The following NEBL variants were observed in gnomAD, a reference collection of about 807,000 sequenced individuals.
The protein encoded by NEBL is LIM and SH3 protein 2.
Under a neutral mutation model 140.2 loss-of-function variants are expected in NEBL, and 122 were observed. The observed-to-expected ratio is 0.87, with a 90% CI of 0.75 to 1.01. The LOEUF (loss-of-function observed/expected upper bound fraction) is 1.01, where lower values mean the gene tolerates loss of function less well. Among genes scored for constraint, NEBL ranks in the 50% least tolerant of loss-of-function variants. The pLI, the probability that NEBL is intolerant of heterozygous loss-of-function variation, is 0.00. For missense variants in NEBL, 1,365 were observed against 1,231.3 expected, an observed-to-expected ratio of 1.11 and a Z score of -1.62; for synonymous variants, 436 against 398.9, an observed-to-expected ratio of 1.09 and a Z score of -1.11.
At chr10:20,962,221 G>A (rs1188749344) in intron 3 of NEBL, among the ~76,000 whole-genome samples, 2 of 152,214 alleles carry the variant, frequency 1.3e-5, no homozygotes, top group African/African-American at 4.8e-5. Context: ...CTCCTCCTGT[G>A]CCCGCCTGTC....
chr10:21,019,708 T>C (rs1254123011), intron 3 of NEBL, among the ~76,000 whole-genome samples: 1 of 152,214 alleles, frequency 6.6e-6, no homozygotes, highest in Non-Finnish European at 1.5e-5. Context: ...AGCCCTTGGC[T>C]GGTGTGAGAT....
At chr10:20,907,829 A>G (rs1848161365) in intron 4 of NEBL, among the ~76,000 whole-genome samples, 1 of 152,204 alleles carries the variant, frequency 6.6e-6, no homozygotes, top group African/African-American at 2.4e-5. Flanking sequence ...CAGAGCCAGC[A>G]CAATTGGTAC....
chr10:20,819,116 G>A, intron 20 of NEBL: 1 of 962,466 alleles, frequency 1.0e-6, no homozygotes, highest in Non-Finnish European at 1.3e-6. Context: ...TTGTTACACA[G>A]GTGAACTTGT....
chr10:20,931,384 T>C (rs570886310), intron 4 of NEBL, among the ~76,000 whole-genome samples: 27 of 152,352 alleles, frequency 1.8e-4, no homozygotes, highest in Non-Finnish European at 2.6e-4. Context: ...TTTACCAGTA[T>C]ATAAATACGT....
intron 3 of NEBL, among the ~76,000 whole-genome samples, chr10:21,182,429 T>C (rs1204033303): frequency 6.6e-6 from 1 of 152,204 alleles, no homozygotes; most frequent in African/African-American, 2.4e-5. Context: ...TGAGGTATTA[T>C]CGTGCCACTG....
Position 21,098,228 on chromosome 10 carries a change from G to A in NEBL, c.164+74155C>T, listed in dbSNP as rs562401602. On this transcript the variant is annotated intron_variant, in intron 2 of 6. Transcript: ENST00000417816. Reference sequence around the variant, plus strand: ...TACACACACATTCTCACTCACACGTGCACACATACGTACACACACTTGTAC... The same window carrying A: ...TACACACACATTCTCACTCACACGTACACACATACGTACACACACTTGTAC... Among the ~76,000 whole-genome samples, 382 of 151,984 alleles carry A rather than the reference G, an allele frequency of 2.5e-3. 1 individual carries two copies. Among genetic ancestry groups the A allele is most frequent in the African/African-American group, 8.1e-3 (337 of 41,490 alleles).
chr10:20,856,359 C>T lies in NEBL; in HGVS notation c.903+1881G>A, dbSNP rs143926096. On this transcript the variant is annotated intron_variant, in intron 9 of 27. Transcript: ENST00000377122. ...AGCAATATTGCATAGGAGTGGCACGCTTTCTTCCAGCCACCAAATGTTGAA... is the reference window on the plus strand; with the variant it reads ...AGCAATATTGCATAGGAGTGGCACGTTTTCTTCCAGCCACCAAATGTTGAA... 4.7e-3 allele frequency among the ~76,000 whole-genome samples: 711 copies of T among 152,266 alleles called. 2 individuals are homozygous for T. The highest frequency in any genetic ancestry group is 0.016 in the African/African-American group (646 of 41,552).
intron 3 of NEBL, among the ~76,000 whole-genome samples, chr10:21,236,342 T>C (rs1179621927): frequency 6.8e-6 from 1 of 146,466 alleles, no homozygotes; most frequent in Non-Finnish European, 1.5e-5. Context: ...ATTCCTTTTT[T>C]TAATTTTTTT....
At chr10:21,140,535 C>T (rs1016226074) in intron 2 of NEBL, among the ~76,000 whole-genome samples, 2 of 151,984 alleles carry the variant, frequency 1.3e-5, no homozygotes, top group Non-Finnish European at 2.9e-5. Flanking sequence ...ATAGTCTGTC[C>T]AGCCTGAGTT....
chr10:21,276,901 G>A (rs577845716), intron 1 of NEBL, among the ~76,000 whole-genome samples: 23 of 152,178 alleles, frequency 1.5e-4, no homozygotes, highest in African/African-American at 2.6e-4. Context: ...CCTGAGAGGC[G>A]GAGGTTGCAG....
At chr10:21,009,622 C>G (rs1324103258) in intron 3 of NEBL, among the ~76,000 whole-genome samples, 1 of 152,170 alleles carries the variant, frequency 6.6e-6, no homozygotes, top group Non-Finnish European at 1.5e-5. Flanking sequence ...AAGCACAACC[C>G]ATATTTTGGA....
intron 3 of NEBL, among the ~76,000 whole-genome samples, chr10:20,989,000 C>T (rs914158242): frequency 1.3e-5 from 2 of 152,198 alleles, no homozygotes; most frequent in African/African-American, 4.8e-5. Flanking sequence ...TTGAAATTTA[C>T]ACAGTTCTTA....
At chr10:20,971,682 C>T (rs1199743624) in intron 3 of NEBL, among the ~76,000 whole-genome samples, 2 of 145,446 alleles carry the variant, frequency 1.4e-5, no homozygotes, top group Non-Finnish European at 3.0e-5. Context: ...GGCGCAATCT[C>T]GGCTCAATGC....
intron 3 of NEBL, among the ~76,000 whole-genome samples, chr10:21,188,876 T>C (rs1589321729): frequency 6.6e-6 from 1 of 152,192 alleles, no homozygotes; most frequent in South Asian, 2.1e-4. Flanking sequence ...AGGTGTGAGC[T>C]ACCACGTTCG....
intron 3 of NEBL, among the ~76,000 whole-genome samples, chr10:21,222,062 C>A (rs1842075966): frequency 6.6e-6 from 1 of 151,724 alleles, no homozygotes; most frequent in Admixed American, 6.6e-5. Context: ...CTGCCATGTT[C>A]ATTTCAACAG....
upstream of NEBL, among the ~76,000 whole-genome samples, chr10:21,179,656 T>C (rs1473209994): frequency 1.3e-5 from 2 of 151,988 alleles, no homozygotes; most frequent in African/African-American, 4.8e-5. Context: ...CAGTGAGGCA[T>C]TTGCATCTGT....
At chr10:21,032,127 C>T (rs959397242) in intron 2 of NEBL, among the ~76,000 whole-genome samples, 1 of 152,146 alleles carries the variant, frequency 6.6e-6, no homozygotes, top group Non-Finnish European at 1.5e-5. Context: ...GAAATTCTCC[C>T]ATCAAATGTT....
chr10:21,229,086 C>T (rs1057168965), intron 3 of NEBL, among the ~76,000 whole-genome samples: 3 of 152,126 alleles, frequency 2.0e-5, no homozygotes, highest in African/African-American at 4.8e-5. Context: ...TGTTACCTCC[C>T]TATACTCTAA....
At chr10:20,933,551 T>C (rs1834311733) in intron 4 of NEBL, among the ~76,000 whole-genome samples, 1 of 152,034 alleles carries the variant, frequency 6.6e-6, no homozygotes, top group African/African-American at 2.4e-5. Context: ...CTGGCCAACA[T>C]GGCTAAACCC....
Sources: allele counts gnomAD v4.1 joint callset (sites outside exome capture counted in the v4.1 genomes callset), GRCh38; gene constraint gnomAD v4.1.1; transcripts MANE v1.5; gene names NCBI Gene and HGNC (gene_info 2026-07-23, HGNC 2026-07-21).